CDH12: variants seen among roughly 807,000 people sequenced by gnomAD.
CDH12 encodes cadherin-12.
A neutral mutation model predicts 74.1 loss-of-function variants in CDH12; 41 were observed. The observed-to-expected ratio is 0.55, with a 90% CI of 0.43 to 0.72. The LOEUF is 0.72. Ranked by LOEUF, CDH12 falls within the 30% of genes least tolerant of loss-of-function variation. CDH12 has a pLI of 0.00. For synonymous variants in CDH12, 399 were observed against 355.0 expected (o/e 1.12, Z -1.39); for missense variants, 945 against 977.2 (o/e 0.97, Z 0.44).
chr5:22,162,530 C>T (rs1409828867), intron 4 of CDH12, among the ~76,000 whole-genome samples: 1 of 152,152 alleles, frequency 6.6e-6, no homozygotes, highest in East Asian at 1.9e-4. Flanking sequence ...GCTCCCAATG[C>T]CAAAGTGTTG....
chr5:22,512,161 G>C (rs985602276), intron 1 of CDH12, among the ~76,000 whole-genome samples: 2 of 152,158 alleles, frequency 1.3e-5, no homozygotes, highest in African/African-American at 4.8e-5. Context: ...CAGTGAGCCA[G>C]AGTCACGAAC....
chr5:22,145,016 C>G (rs1475899266), intron 4 of CDH12, among the ~76,000 whole-genome samples: 1 of 152,014 alleles, frequency 6.6e-6, no homozygotes, highest in Non-Finnish European at 1.5e-5. Context: ...TAGAGTTGGA[C>G]TCAAGCACAA....
chr5:21,921,930 T>A (rs534569411), intron 6 of CDH12, among the ~76,000 whole-genome samples: 1 of 152,334 alleles, frequency 6.6e-6, no homozygotes, highest in South Asian at 2.1e-4. Context: ...GCTAACTCAC[T>A]GTCAAAGCTT....
At chr5:22,170,503 G>A (rs575929073) in intron 4 of CDH12, among the ~76,000 whole-genome samples, 58 of 151,414 alleles carry the variant, frequency 3.8e-4, no homozygotes, top group Middle Eastern at 3.4e-3. Context: ...TTTGTTTTAC[G>A]TTCACTTAGA....
intron 6 of CDH12, among the ~76,000 whole-genome samples, chr5:21,934,107 C>A (rs539805394): frequency 1.3e-5 from 2 of 152,210 alleles, no homozygotes; most frequent in African/African-American, 4.8e-5. Flanking sequence ...TATTGAGTTA[C>A]ACACACCCAC....
At chr5:22,519,698 C>A (rs534183115) in intron 1 of CDH12, among the ~76,000 whole-genome samples, 124 of 152,162 alleles carry the variant, frequency 8.1e-4, no homozygotes, top group Admixed American at 1.4e-3. Context: ...TAGTTGGGAA[C>A]TTTCGTGTTA....
At chr5:22,260,705 A>G (rs568651720) in intron 3 of CDH12, among the ~76,000 whole-genome samples, 13 of 152,136 alleles carry the variant, frequency 8.5e-5, no homozygotes, top group African/African-American at 3.1e-4. Context: ...CCTTCACAGA[A>G]CAATTCTAAC....
chr5:22,589,179 T>C (rs1425655291), intron 1 of CDH12, among the ~76,000 whole-genome samples: 1 of 152,108 alleles, frequency 6.6e-6, no homozygotes, highest in Non-Finnish European at 1.5e-5. Context: ...ACTTCTGTTA[T>C]TTTTTCTGCT....
At chr5:22,271,382 T>A (rs566498605) in intron 3 of CDH12, among the ~76,000 whole-genome samples, 20 of 152,318 alleles carry the variant, frequency 1.3e-4, no homozygotes, top group Admixed American at 2.6e-4. Context: ...CTTGCAATTG[T>A]CATCACGTCT....
chr5:22,355,178 T>A (rs1474923921), intron 3 of CDH12, among the ~76,000 whole-genome samples: 3 of 152,148 alleles, frequency 2.0e-5, no homozygotes, highest in Non-Finnish European at 4.4e-5. Context: ...ATGACTGTCA[T>A]TACTAAACAA....
chr5:21,785,006 G>A (rs1213119670), intron 10 of CDH12, among the ~76,000 whole-genome samples: 1 of 152,006 alleles, frequency 6.6e-6, no homozygotes, highest in East Asian at 1.9e-4. Flanking sequence ...AAGTTCATCG[G>A]CATCATTTTT....
intron 1 of CDH12, among the ~76,000 whole-genome samples, chr5:22,724,486 T>C (rs1348982608): frequency 6.6e-6 from 1 of 151,968 alleles, no homozygotes; most frequent in Non-Finnish European, 1.5e-5. Context: ...ATATGACATT[T>C]AGTTTTCCAT....
chr5:22,500,234 A>T (rs537135181), intron 2 of CDH12, among the ~76,000 whole-genome samples: 1 of 152,274 alleles, frequency 6.6e-6, no homozygotes, highest in East Asian at 1.9e-4. Flanking sequence ...AAGACCTTTG[A>T]TTAGGATAAT....
chr5:21,903,378 G>T (rs1332897820), intron 6 of CDH12, among the ~76,000 whole-genome samples: 1 of 152,100 alleles, frequency 6.6e-6, no homozygotes, highest in Non-Finnish European at 1.5e-5. Flanking sequence ...AAAAACGTAC[G>T]TAAGAAGCAT....
At chr5:22,361,689 G>T (rs932211151) in intron 3 of CDH12, among the ~76,000 whole-genome samples, 1 of 152,074 alleles carries the variant, frequency 6.6e-6, no homozygotes, top group East Asian at 1.9e-4. Flanking sequence ...ATACTACAAG[G>T]CTACAGTAAC....
chr5:22,445,485 G>A (rs996593968), intron 2 of CDH12, among the ~76,000 whole-genome samples: 11 of 152,038 alleles, frequency 7.2e-5, no homozygotes, highest in Non-Finnish European at 1.0e-4. Flanking sequence ...TATGCCAGCC[G>A]TTTTTCAGTC....
intron 5 of CDH12, among the ~76,000 whole-genome samples, chr5:22,020,518 C>T (rs1360634309): frequency 6.7e-6 from 1 of 148,644 alleles, no homozygotes; most frequent in Non-Finnish European, 1.5e-5. Flanking sequence ...GGTGCCACTG[C>T]ACTACAGCCT....
At chr5:22,373,276 G>A (rs1184643330) in intron 3 of CDH12, among the ~76,000 whole-genome samples, 1 of 152,164 alleles carries the variant, frequency 6.6e-6, no homozygotes, top group Non-Finnish European at 1.5e-5. Context: ...CCTGGCATGA[G>A]CCACCTGTGT....
chr5:22,318,852 C>T (rs1053945340), intron 3 of CDH12, among the ~76,000 whole-genome samples: 3 of 151,882 alleles, frequency 2.0e-5, no homozygotes, highest in African/African-American at 4.8e-5. Flanking sequence ...TTGTGTAACC[C>T]GATCATTAAA....
Sources: gnomAD v4.1 joint callset for allele counts (sites outside exome capture counted in the v4.1 genomes callset) on GRCh38, gnomAD v4.1.1 for gene constraint, MANE v1.5 for transcripts, NCBI Gene and HGNC (gene_info 2026-07-23, HGNC 2026-07-21) for gene names.